The following MDN1 variants were observed in gnomAD, a reference collection of about 807,000 sequenced individuals.
MDN1 encodes the protein midasin.
In MDN1, 266 loss-of-function variants were observed where a neutral mutation model predicts 669.2. The ratio of observed to expected loss-of-function variants is 0.40; its 90% confidence interval spans 0.36 to 0.44. The LOEUF (loss-of-function observed/expected upper bound fraction) is 0.44, where lower values mean the gene tolerates loss of function less well. Among genes scored for constraint, MDN1 ranks in the 20% least tolerant of loss-of-function variants. The probability of loss-of-function intolerance (pLI) is 1.00; values close to 1 mark genes in which losing one functional copy is unlikely to be tolerated. For synonymous variants in MDN1, 2,385 were observed against 2,457.1 expected (o/e 0.97, Z 0.87); for missense variants, 5,940 against 6,754.0 (o/e 0.88, Z 4.22).
chr6:89,645,898 AT>A (rs1025702318), intron 100 of MDN1, among the ~76,000 whole-genome samples: 4 of 152,206 alleles, frequency 2.6e-5, no homozygotes, highest in Non-Finnish European at 4.4e-5. Context: ...AATAATTGGC[AT>A]GTTTCAAGCC....
At position 89,688,477 on chromosome 6, in the gene MDN1, A is replaced by G. The variant is rs529302697; in HGVS notation, c.11259+96T>C. The stretch of plus-strand genomic sequence containing the variant: ...TCTTTAAGCCTTTGTTTATATGTAT[A>G]TATGTGCAAGTGGGTGCCCCCAGGG... On this transcript the variant is annotated intron_variant, in intron 66 of 101. Coordinates refer to ENST00000369393, the MANE Select transcript of MDN1 (RefSeq NM_014611.3). 8.2e-5 allele frequency: 88 copies of G among 1,072,004 alleles called. No homozygotes were observed. In the African/African-American group the frequency reaches 1.3e-3, roughly 16 times the overall value. 66.4% of individuals were successfully genotyped at this position (1,072,004 alleles called of 1,614,324 possible). A position where few individuals can be genotyped will look rare whatever the true frequency, so the allele number is the denominator to read the frequency against.
intron 50 of MDN1, 118 bp downstream of exon 50, chr6:89,710,563 T>G: frequency 2.0e-6 from 1 of 503,998 alleles, no homozygotes; most frequent in Non-Finnish European, 3.4e-6. Context: ...CTGCATATCA[T>G]GAGTCTTCTA....
Position 89,756,385 on chromosome 6 carries a change from G to A in MDN1, c.2708C>T (p.Thr903Ile), listed in dbSNP as rs762369606. Residue 903 changes from threonine (T) to isoleucine (I), a missense_variant, in exon 20 of 102, where the codon ACA becomes ATA. Transcript: ENST00000369393. ...TTCTAATTCTTCTACATAAAGTTCTGTGAACCTGTAAAACAATACATAATA... is the reference window on the plus strand; with the variant it reads ...TTCTAATTCTTCTACATAAAGTTCTATGAACCTGTAAAACAATACATAATA... ...NLPPGIRNRFTELYVEELESK... is the reference protein window; with the variant it reads ...NLPPGIRNRFIELYVEELESK... 4.7e-6 allele frequency: 7 copies of A among 1,498,060 alleles called. No individual in the cohort carries two copies. The highest frequency in any genetic ancestry group is 6.4e-6 in the Non-Finnish European group (7 of 1,087,664). The allele number at this position is 1,498,060 out of a possible 1,614,324, so 92.8% of individuals were successfully genotyped here. A position where few individuals can be genotyped will look rare whatever the true frequency, so the allele number is the denominator to read the frequency against.
chr6:89,652,981 A>G lies in MDN1; in HGVS notation c.15825+11T>C. On this transcript the variant is annotated intron_variant, in intron 94 of 101. Coordinates refer to ENST00000369393, the MANE Select transcript of MDN1 (RefSeq NM_014611.3). ...CACTATATTAATGCAGTAATTTGTG[A>G]GTTTTACTACCTGGAAGATCGTGTC... The G allele has an allele frequency of 6.2e-7, 1 of 1,609,086 alleles. No homozygotes were observed. The highest frequency in any genetic ancestry group is 8.5e-7 in the Non-Finnish European group (1 of 1,178,236).
rs1816829677 is a variant in MDN1, at chr6:89,749,264, A to C, written c.3721T>G (p.Ser1241Ala). 1 of 1,613,992 alleles carries C rather than the reference A, an allele frequency of 6.2e-7. No individual in the cohort carries two copies. Among genetic ancestry groups the C allele is most frequent in the Non-Finnish European group, 8.5e-7 (1 of 1,180,008 alleles). Reference protein sequence around the residue: ...ILHKRCSLPPSYCSKLVKVML... With the variant: ...ILHKRCSLPPAYCSKLVKVML... Reference sequence around the variant, plus strand: ...ACTTTAACCAACTTGCTGCAATAGGAGGGTGGCAAACTACACCGCTTGTGC... The same window carrying C: ...ACTTTAACCAACTTGCTGCAATAGGCGGGTGGCAAACTACACCGCTTGTGC... Residue 1241 changes from serine (S) to alanine (A), a missense_variant, in exon 26 of 102, where the codon TCC becomes GCC. Around this residue, in one of 5 missense-constraint regions of MDN1, gnomAD observed 2,292 missense variants for 2,638.3 expected, o/e 0.87. Coordinates refer to ENST00000369393, the MANE Select transcript of MDN1 (RefSeq NM_014611.3).
intron 92 of MDN1, 78 bp from the exon 93 acceptor site, chr6:89,654,412 CTG>C: frequency 6.4e-7 from 1 of 1,552,104 alleles, no homozygotes; most frequent in Non-Finnish European, 8.7e-7. Flanking sequence ...GGTATGGTTT[CTG>C]TCATTCTAGC....
chr6:89,693,196 G>C (rs769427269), intron 62 of MDN1, 48 bp from the exon 63 acceptor site: 15 of 1,364,178 alleles, frequency 1.1e-5, no homozygotes, highest in Non-Finnish European at 1.4e-5. Flanking sequence ...AAGAAGAGCA[G>C]CAAATCTAGA....
At chr6:89,786,960 G>A (rs1264666898) in intron 8 of MDN1, among the ~76,000 whole-genome samples, 1 of 149,798 alleles carries the variant, frequency 6.7e-6, no homozygotes, top group Non-Finnish European at 1.5e-5. Context: ...AACAGGGTCA[G>A]CTGGGCACAG....
intron 70 of MDN1, 45 bp downstream of exon 70, chr6:89,685,782 A>T: frequency 1.3e-6 from 2 of 1,598,298 alleles, no homozygotes; most frequent in African/African-American, 2.7e-5. Flanking sequence ...AGCCTAACTC[A>T]TTTTAGTCGT....
intron 53 of MDN1, among the ~76,000 whole-genome samples, chr6:89,703,370 G>GGC (rs561227812): frequency 1.7e-5 from 1 of 58,230 alleles, no homozygotes; most frequent in South Asian, 6.8e-4. Flanking sequence ...GTATGGGGAA[G>GGC]GGGGGGGGGT....
intron 48 of MDN1, 61 bp from the exon 49 acceptor site, chr6:89,712,317 A>T (rs1234747829): frequency 7.0e-7 from 1 of 1,419,470 alleles, no homozygotes; most frequent in Non-Finnish European, 9.7e-7. Flanking sequence ...CACATTCCAA[A>T]TAACTGAGAA....
intron 19 of MDN1, among the ~76,000 whole-genome samples, chr6:89,757,826 A>G (rs1473020679): frequency 6.6e-6 from 1 of 152,104 alleles, no homozygotes. Context: ...CAGGCAGATC[A>G]CAAGGTCAGG....
intron 53 of MDN1, among the ~76,000 whole-genome samples, chr6:89,704,511 C>T (rs1326001168): frequency 6.6e-6 from 1 of 152,194 alleles, no homozygotes; most frequent in African/African-American, 2.4e-5. Flanking sequence ...ACTCAGTGAA[C>T]AGTATTTTCC....
At chr6:89,656,503 G>A (rs771010984) in intron 91 of MDN1, among the ~76,000 whole-genome samples, 197 bp downstream of exon 91, 2 of 152,144 alleles carry the variant, frequency 1.3e-5, no homozygotes, top group African/African-American at 4.8e-5. Flanking sequence ...CACAGGCAGG[G>A]AAGAAGCCGT....
chr6:89,740,444 G>A (rs982585451), intron 31 of MDN1, 66 bp from the exon 32 acceptor site: 6 of 1,422,686 alleles, frequency 4.2e-6, no homozygotes, highest in African/African-American at 1.5e-5. Context: ...AATCTTCAAT[G>A]CTCTTTAAAA....
intron 100 of MDN1, among the ~76,000 whole-genome samples, chr6:89,645,865 G>A (rs994460960): frequency 2.6e-5 from 4 of 152,216 alleles, no homozygotes; most frequent in South Asian, 2.1e-4. Context: ...TGAGAACAGT[G>A]AGAGATTTTT....
In MDN1 at chr6:89,722,994, G is replaced by A. The variant is rs1196268623; in HGVS notation, c.5928C>T (p.Val1976=). The A allele has an allele frequency of 1.2e-6, 2 of 1,613,474 alleles. No individual in the cohort carries two copies. The highest frequency in any genetic ancestry group is 1.7e-6 in the Non-Finnish European group (2 of 1,179,774). ...CYDPGQHVFL[V]YGERMRTEED... is the part of the protein sequence containing the mutation. Reference sequence around the variant, plus strand: ...CTTCGGTTCTCATTCTTTCACCATAGACCAAAAACACATGCTGACCAGGAT... The same window carrying A: ...CTTCGGTTCTCATTCTTTCACCATAAACCAAAAACACATGCTGACCAGGAT... Residue 1976 remains valine, a synonymous_variant, in exon 40 of 102, where the codon GTC becomes GTT. Transcript: ENST00000369393.
intron 7 of MDN1, among the ~76,000 whole-genome samples, chr6:89,788,954 T>C (rs967273517): frequency 4.6e-5 from 7 of 151,882 alleles, no homozygotes; most frequent in East Asian, 1.9e-4. Flanking sequence ...TGAAACCCCG[T>C]CTCTACTAAA....
intron 47 of MDN1, 22 bp downstream of exon 47, chr6:89,713,126 A>C: frequency 6.3e-7 from 1 of 1,599,352 alleles, no homozygotes; most frequent in Non-Finnish European, 8.5e-7. Flanking sequence ...ACTTAGAAAC[A>C]TTCTGCAATA....
Sources: allele counts gnomAD v4.1 joint callset (sites outside exome capture counted in the v4.1 genomes callset), GRCh38; gene constraint gnomAD v4.1.1; regional missense constraint gnomAD v4.1.1; transcripts MANE v1.5; gene names NCBI Gene and HGNC (gene_info 2026-07-23, HGNC 2026-07-21).